Variants in SETDB2 observed in about 807,000 individuals in gnomAD.
SETDB2 encodes the protein SET domain bifurcated histone lysine methyltransferase 2, also known as histone-lysine N-methyltransferase SETDB2.
Under a neutral mutation model 82.5 loss-of-function variants are expected in SETDB2, and 56 were observed. The observed-to-expected ratio is 0.68, with a 90% CI of 0.55 to 0.85. The LOEUF (loss-of-function observed/expected upper bound fraction) is 0.85. SETDB2 is among the 40% of genes least tolerant of loss of function. The pLI is 0.00. For synonymous variants in SETDB2, 272 were observed against 284.9 expected (o/e 0.95, Z 0.46); for missense variants, 677 against 816.4 (o/e 0.83, Z 2.08).
Position 49,460,208 on chromosome 13 carries a change from A to G in SETDB2, c.118A>G (p.Lys40Glu), listed in dbSNP as rs538466910. The change falls in exon 3 of 14, where the codon AAA becomes GAA. Residue 40 changes from lysine (K) to glutamate (E), a missense_variant. Lys to Glu is a moderately conservative substitution (Grantham distance 56). This residue lies in a region of SETDB2 where 243 missense variants were observed against 237.2 expected (regional missense o/e 1.02). Transcript: ENST00000611815. Reference sequence around the variant, plus strand: ...GCTGCAGTCACTGAAACAAAAGATCAAAGATGGGTCTGCCACCAATAAAGG... The same window carrying G: ...GCTGCAGTCACTGAAACAAAAGATCGAAGATGGGTCTGCCACCAATAAAGG... ...NVLQSLKQKI[K>E]DGSATNKEYI... The G allele has an allele frequency of 6.2e-7, 1 of 1,613,076 alleles. No individual in the cohort carries two copies. The highest frequency in any genetic ancestry group is 1.1e-5 in the South Asian group (1 of 90,906).
intron 12 of SETDB2, among the ~76,000 whole-genome samples, chr13:49,490,304 C>G (rs890882386): frequency 3.0e-5 from 3 of 99,252 alleles, no homozygotes; most frequent in African/African-American, 1.1e-4. Context: ...AAAAAAAAAT[C>G]TTGTGGCAAT....
intron 6 of SETDB2, among the ~76,000 whole-genome samples, chr13:49,478,901 T>C (rs1958424064): frequency 6.6e-6 from 1 of 152,250 alleles, no homozygotes; most frequent in Admixed American, 6.5e-5. Context: ...CACTCCAGCC[T>C]GGGCAACAGA....
rs1406831765 is a variant in SETDB2, at chr13:49,480,961, G to A, written c.1001G>A (p.Ser334Asn). ...RQIPTGIYEC[S>N]LLCKCNRQLC... ...TTTGTTGACAGCATTTATGAATGCA[G>A]CCTTTTGTGCAAATGTAATCGACAA... The change falls in exon 8 of 14, where the codon AGC becomes AAC. Residue 334 changes from serine (S) to asparagine (N), a missense_variant. Transcript: ENST00000611815. The A allele has an allele frequency of 1.2e-6, 2 of 1,614,006 alleles. No homozygotes were observed. The highest frequency in any genetic ancestry group is 1.7e-6 in the Non-Finnish European group (2 of 1,179,940).
chr13:49,476,259 T>C (rs574120378), intron 5 of SETDB2, among the ~76,000 whole-genome samples: 75 of 152,322 alleles, frequency 4.9e-4, no homozygotes, highest in African/African-American at 1.6e-3. Context: ...GAATGGCCAC[T>C]GCACTCCAGC....
chr13:49,460,449 T>C (rs181791362), intron 3 of SETDB2, among the ~76,000 whole-genome samples: 93 of 152,306 alleles, frequency 6.1e-4, no homozygotes, highest in African/African-American at 2.2e-3. Flanking sequence ...CTGCTCATTA[T>C]ATAACATTTG....
At position 49,483,562 on chromosome 13, in the gene SETDB2, T is replaced by G; in HGVS notation, c.1481T>G (p.Met494Arg). 7.3e-7 allele frequency: 1 copy of G among 1,366,476 alleles called. No individual in the cohort carries two copies. 84.6% of individuals were successfully genotyped at this position (1,366,476 alleles called of 1,614,324 possible). A position where few individuals can be genotyped will look rare whatever the true frequency, so the allele number is the denominator to read the frequency against. The change falls in exon 10 of 14, where the codon ATG becomes AGG. Residue 494 changes from methionine to arginine, a missense_variant and splice_region_variant. Coordinates refer to ENST00000611815, the MANE Select transcript of SETDB2 (RefSeq NM_001160308.3). ...TAIFQHNGKKMEFVSSESVTP... is the reference protein window; with the variant it reads ...TAIFQHNGKKREFVSSESVTP... The stretch of plus-strand genomic sequence containing the variant: ...ATTTTTCAACACAATGGGAAAAAAA[T>G]GGTAAAAAATGCAAAATGTAGTTGG...
chr13:49,485,218 C>A (rs1409016), intron 10 of SETDB2, among the ~76,000 whole-genome samples: 108,641 of 152,170 alleles, frequency 0.71, 39,033 homozygotes, highest in East Asian at 0.82. Context: ...AGCATTATCA[C>A]ATTCGTTAAC....
At chr13:49,459,992 C>A in intron 2 of SETDB2, 115 bp from the exon 3 acceptor site, 1 of 998,422 alleles carries the variant, frequency 1.0e-6, no homozygotes, top group Non-Finnish European at 1.4e-6. Context: ...AAATGATAGA[C>A]CAGATGAGTC....
At chr13:49,483,679 A>G in intron 10 of SETDB2, 116 bp downstream of exon 10, 1 of 433,928 alleles carries the variant, frequency 2.3e-6, no homozygotes, top group Non-Finnish European at 3.9e-6. Context: ...CCCAGGCTGG[A>G]GTGTGGTGGC....
chr13:49,484,153 C>G (rs565639697), intron 10 of SETDB2, among the ~76,000 whole-genome samples: 1 of 151,978 alleles, frequency 6.6e-6, no homozygotes, highest in African/African-American at 2.4e-5. Flanking sequence ...CCACTGAGAC[C>G]GAGAGGTATC....
intron 10 of SETDB2, among the ~76,000 whole-genome samples, chr13:49,484,651 T>C (rs1049463617): frequency 6.6e-6 from 1 of 152,202 alleles, no homozygotes; most frequent in Admixed American, 6.5e-5. Context: ...TGTGGTAGCC[T>C]CTGAGGGTAC....
In SETDB2 at chr13:49,460,232, G is replaced by A. The variant is rs1007245110; in HGVS notation, c.142G>A (p.Glu48Lys). 3 of 1,610,550 alleles carry A rather than the reference G, an allele frequency of 1.9e-6. No homozygotes were observed. Among genetic ancestry groups the A allele is most frequent in the Non-Finnish European group, 2.5e-6 (3 of 1,178,954 alleles). Reference protein sequence around the residue: ...KIKDGSATNKEYIQAMILVNE... With the variant: ...KIKDGSATNKKYIQAMILVNE... ...CAAAGATGGGTCTGCCACCAATAAA[G>A]GTATGAAGCAATAAAAACTTTGAAT... is the stretch of plus-strand genomic sequence containing the variant. The change falls in exon 3 of 14, where the codon GAA becomes AAA. Residue 48 changes from glutamate to lysine, a missense_variant and splice_region_variant. Around this residue, in one of 3 missense-constraint regions of SETDB2, gnomAD observed 243 missense variants for 237.2 expected, o/e 1.02. Transcript: ENST00000611815.
chr13:49,484,455 G>C (rs2138977673), intron 10 of SETDB2, among the ~76,000 whole-genome samples: 1 of 152,220 alleles, frequency 6.6e-6, no homozygotes, highest in South Asian at 2.1e-4. Flanking sequence ...ATTTTTAGTA[G>C]AGACGGGGTT....
At chr13:49,478,511 A>C (rs1451111048) in intron 6 of SETDB2, among the ~76,000 whole-genome samples, 3 of 152,344 alleles carry the variant, frequency 2.0e-5, no homozygotes, top group Non-Finnish European at 4.4e-5. Flanking sequence ...TTTACAGCAC[A>C]CAAAGATGTT....
intron 1 of SETDB2, among the ~76,000 whole-genome samples, chr13:49,451,331 G>A (rs1278328659): frequency 6.6e-6 from 1 of 150,850 alleles, no homozygotes; most frequent in African/African-American, 2.4e-5. Flanking sequence ...ATTAAATATG[G>A]GTGATAGGAT....
At chr13:49,460,496 C>T (rs949619374) in intron 3 of SETDB2, among the ~76,000 whole-genome samples, 27 of 151,874 alleles carry the variant, frequency 1.8e-4, no homozygotes, top group Admixed American at 1.8e-3. Flanking sequence ...AAAATTATTC[C>T]ACATTCAGAG....
At chr13:49,484,529 C>T (rs1305332731) in intron 10 of SETDB2, among the ~76,000 whole-genome samples, 1 of 152,114 alleles carries the variant, frequency 6.6e-6, no homozygotes, top group East Asian at 1.9e-4. Flanking sequence ...TTTGGCCTCC[C>T]GAAGTGCTGG....
intron 4 of SETDB2, among the ~76,000 whole-genome samples, chr13:49,464,905 T>TA (rs879757794): frequency 4.4e-4 from 65 of 146,416 alleles, no homozygotes; most frequent in East Asian, 1.2e-3. Flanking sequence ...CTACAGATAA[T>TA]AAAAAAAAAA....
At position 49,494,179 on chromosome 13, in the gene SETDB2, A is replaced by G. The variant is rs901598237; in HGVS notation, c.*2330A>G. 1 of 151,924 alleles carries G rather than the reference A, an allele frequency of 6.6e-6. No individual in the cohort carries two copies. Among genetic ancestry groups the G allele is most frequent in the Admixed American group, 6.6e-5 (1 of 15,264 alleles). 9.4% of individuals were successfully genotyped at this position (151,924 alleles called of 1,614,324 possible). A position where few individuals can be genotyped will look rare whatever the true frequency, so the allele number is the denominator to read the frequency against. ...TATTTTTCTAGTCTCATATTGTCTC[A>G]TATTTTTAATTTCTAAGAGCTCCCC... On this transcript the variant is annotated 3_prime_UTR_variant, in exon 14 of 14. Coordinates refer to ENST00000611815, the MANE Select transcript of SETDB2 (RefSeq NM_001160308.3).
Sources: gnomAD v4.1 joint callset for allele counts (sites outside exome capture counted in the v4.1 genomes callset) on GRCh38, gnomAD v4.1.1 for gene constraint, gnomAD v4.1.1 regional missense constraint, MANE v1.5 for transcripts, NCBI Gene and HGNC (gene_info 2026-07-23, HGNC 2026-07-21) for gene names.